DPH6: variants seen among roughly 807,000 people sequenced by gnomAD.
DPH6 encodes diphthamine biosynthesis 6.
In DPH6, 33 loss-of-function variants were observed where a neutral mutation model predicts 38.2. That is an observed-to-expected ratio of 0.86 (90% CI 0.65 to 1.15). The LOEUF is 1.15. Ranked by LOEUF, DPH6 falls within the 50% of genes most tolerant of loss-of-function variation. The pLI is 0.00. For synonymous variants in DPH6, 108 were observed against 103.0 expected (o/e 1.05, Z -0.30); for missense variants, 325 against 320.0 (o/e 1.02, Z -0.12).
At chr15:35,150,124 A>G in the DPH6 span, among the ~76,000 whole-genome samples, 1 of 152,240 alleles carries the variant, frequency 6.6e-6, no homozygotes, top group Admixed American at 6.5e-5. Flanking sequence ...ACTGTTTTAC[A>G]TAAGGGACCA....
intron 3 of DPH6, among the ~76,000 whole-genome samples, chr15:35,347,482 G>A (rs1437505421): frequency 6.8e-6 from 1 of 147,228 alleles, no homozygotes; most frequent in Non-Finnish European, 1.5e-5. Flanking sequence ...TATGAAGACT[G>A]AATAACACTC....
chr15:35,272,280 A>C (rs200802842), intron 3 of DPH6, among the ~76,000 whole-genome samples: 1 of 152,294 alleles, frequency 6.6e-6, no homozygotes, highest in East Asian at 1.9e-4. Flanking sequence ...ATGGCCATTT[A>C]ATATAAGGCA....
chr15:35,171,775 C>G, the DPH6 span, among the ~76,000 whole-genome samples: 1 of 151,926 alleles, frequency 6.6e-6, no homozygotes, highest in Non-Finnish European at 1.5e-5. Context: ...TGGGATGGGA[C>G]TTAAATATAA....
At chr15:35,404,695 T>C (rs1282381619) in intron 6 of DPH6, among the ~76,000 whole-genome samples, 1 of 152,154 alleles carries the variant, frequency 6.6e-6, no homozygotes, top group Non-Finnish European at 1.5e-5. Flanking sequence ...ACTTTGTTGA[T>C]TGTTTCCTTC....
chr15:35,340,253 TTTTGAGCCTA>T (rs61110207), intron 3 of DPH6, among the ~76,000 whole-genome samples: 49,125 of 151,814 alleles, frequency 0.32, 8,760 homozygotes, highest in African/African-American at 0.48. Flanking sequence ...CATTCCTTTA[TTTTGAGCCTA>T]TTTGTGTTTC....
At chr15:35,373,389 GA>G (rs537631191) in intron 8 of DPH6, 131 bp downstream of exon 8, 90 of 720,248 alleles carry the variant, frequency 1.2e-4, no homozygotes, top group Non-Finnish European at 1.7e-4. Flanking sequence ...CTGAGGAGCT[GA>G]AAAAAAACCA....
At chr15:35,175,357 CA>C in the DPH6 span, among the ~76,000 whole-genome samples, 2 of 152,192 alleles carry the variant, frequency 1.3e-5, no homozygotes, top group African/African-American at 4.8e-5. Flanking sequence ...AATTCACTCA[CA>C]AAGTTATTGA....
At chr15:35,254,601 G>A (rs183780541) in intron 3 of DPH6, among the ~76,000 whole-genome samples, 7 of 152,258 alleles carry the variant, frequency 4.6e-5, no homozygotes, top group Admixed American at 3.9e-4. Flanking sequence ...TGCAGCTGTG[G>A]TTTACAGTTG....
intron 3 of DPH6, among the ~76,000 whole-genome samples, chr15:35,496,944 TATTC>T (rs796413102): frequency 6.6e-6 from 1 of 152,040 alleles, no homozygotes; most frequent in East Asian, 1.9e-4. Context: ...TTCTGGAACT[TATTC>T]AGATGCTGCC....
At chr15:35,397,316 C>T (rs1251452407) in intron 6 of DPH6, among the ~76,000 whole-genome samples, 1 of 152,180 alleles carries the variant, frequency 6.6e-6, no homozygotes, top group Non-Finnish European at 1.5e-5. Context: ...CCTACACACT[C>T]ACAATTTTTA....
chr15:35,454,361 A>G (rs1236596517), intron 4 of DPH6, among the ~76,000 whole-genome samples: 1 of 152,186 alleles, frequency 6.6e-6, no homozygotes, highest in Non-Finnish European at 1.5e-5. Flanking sequence ...ACTCCTTAGT[A>G]AACATTTTTT....
the DPH6 span, among the ~76,000 whole-genome samples, chr15:35,179,204 C>CA: frequency 0.099 from 4,939 of 49,980 alleles, 378 homozygotes; most frequent in African/African-American, 0.22. Flanking sequence ...ACAACTCTGT[C>CA]AAAAAAAAAA....
chr15:35,517,577 A>C (rs2054864507), intron 3 of DPH6, among the ~76,000 whole-genome samples: 1 of 152,104 alleles, frequency 6.6e-6, no homozygotes, highest in East Asian at 1.9e-4. Context: ...TCATTTTATC[A>C]GCTTAAAACA....
At chr15:35,199,993 C>T in the DPH6 span, among the ~76,000 whole-genome samples, 1 of 151,948 alleles carries the variant, frequency 6.6e-6, no homozygotes, top group Non-Finnish European at 1.5e-5. Flanking sequence ...GGTAGAGGTA[C>T]AGTATAGTGG....
chr15:35,146,217 C>T, the DPH6 span, among the ~76,000 whole-genome samples: 1 of 151,860 alleles, frequency 6.6e-6, no homozygotes, highest in African/African-American at 2.4e-5. Flanking sequence ...ATAGATAAAA[C>T]AAAGTAAGCT....
chr15:35,496,565 A>ATAT lies in DPH6; in HGVS notation c.312+41708_312+41709insATA, dbSNP rs1467883229. Among the ~76,000 whole-genome samples, 129 of 20,134 alleles carry ATAT rather than the reference A, an allele frequency of 6.4e-3. 5 individuals are homozygous for ATAT. Among genetic ancestry groups the ATAT allele is most frequent in the Middle Eastern group, 0.05 (1 of 20 alleles). The allele number at this position is 20,134 out of a possible 152,430, so 13.2% of individuals were successfully genotyped here. A position where few individuals can be genotyped will look rare whatever the true frequency, so the allele number is the denominator to read the frequency against. Reference sequence around the variant, plus strand: ...ACGAAAGTTCCATCTCAAAAAAAAAAAAATATATATATATATATATATATA... The same window carrying ATAT: ...ACGAAAGTTCCATCTCAAAAAAAAAATATAAATATATATATATATATATATATA... On this transcript the variant is annotated intron_variant, in intron 3 of 8. Coordinates refer to ENST00000256538, the MANE Select transcript of DPH6 (RefSeq NM_080650.4).
At chr15:35,279,872 G>T (rs935219941) in intron 3 of DPH6, among the ~76,000 whole-genome samples, 3 of 152,148 alleles carry the variant, frequency 2.0e-5, no homozygotes, top group African/African-American at 7.2e-5. Context: ...TTTGGAGTCA[G>T]CTTTTAGAAA....
chr15:35,429,674 A>G (rs978575840), intron 5 of DPH6, among the ~76,000 whole-genome samples: 6 of 152,226 alleles, frequency 3.9e-5, no homozygotes, highest in East Asian at 1.9e-4. Context: ...CCACCCTTAC[A>G]TACACACATT....
At chr15:35,203,431 C>T in the DPH6 span, among the ~76,000 whole-genome samples, 67 of 151,490 alleles carry the variant, frequency 4.4e-4, 4 homozygotes, top group Non-Finnish European at 1.0e-4. Flanking sequence ...CCATTTGACC[C>T]ACGTTAAATA....
Sources: allele counts gnomAD v4.1 joint callset (sites outside exome capture counted in the v4.1 genomes callset), GRCh38; gene constraint gnomAD v4.1.1; transcripts MANE v1.5; gene names NCBI Gene and HGNC (gene_info 2026-07-23, HGNC 2026-07-21).